ITGBL1: variants seen among roughly 807,000 people sequenced by gnomAD.
ITGBL1 encodes the protein integrin beta-like protein 1.
In ITGBL1, 51 loss-of-function variants were observed where a neutral mutation model predicts 68.5. That is an observed-to-expected ratio of 0.74 (90% CI 0.59 to 0.94). ITGBL1 has a LOEUF of 0.94. Ranked by LOEUF, ITGBL1 falls within the 40% of genes least tolerant of loss-of-function variation. ITGBL1 has a pLI of 0.00. For synonymous variants in ITGBL1, 209 were observed against 227.3 expected, an observed-to-expected ratio of 0.92 and a Z score of 0.72; for missense variants, 649 against 647.4, an observed-to-expected ratio of 1.00 and a Z score of -0.03.
intron 2 of ITGBL1, among the ~76,000 whole-genome samples, chr13:101,520,395 G>T (rs952841498): frequency 3.3e-5 from 5 of 152,140 alleles, no homozygotes; most frequent in Admixed American, 2.6e-4. Context: ...CTTGCAATGA[G>T]AGAGTTTCAG....
intron 2 of ITGBL1, among the ~76,000 whole-genome samples, chr13:101,550,525 A>G (rs1168523092): frequency 1.3e-5 from 2 of 152,162 alleles, no homozygotes; most frequent in Non-Finnish European, 2.9e-5. Flanking sequence ...AAGCCCCTTG[A>G]CGCTGATTCA....
intron 2 of ITGBL1, among the ~76,000 whole-genome samples, chr13:101,528,168 T>C (rs1203197295): frequency 3.3e-5 from 5 of 151,448 alleles, no homozygotes. Context: ...TAATATTTAA[T>C]GGTTTATTAA....
intron 7 of ITGBL1, among the ~76,000 whole-genome samples, chr13:101,662,733 G>C (rs2033118924): frequency 6.6e-6 from 1 of 151,822 alleles, no homozygotes. Context: ...TCACCGTTCA[G>C]TTTTTCTCGG....
At chr13:101,616,611 C>T (rs1298054236) in intron 7 of ITGBL1, among the ~76,000 whole-genome samples, 1 of 152,182 alleles carries the variant, frequency 6.6e-6, no homozygotes, top group Non-Finnish European at 1.5e-5. Context: ...CTGCCTCAGT[C>T]TCCTAAGTAG....
At chr13:101,546,244 A>G (rs2049821504) in intron 2 of ITGBL1, among the ~76,000 whole-genome samples, 1 of 152,166 alleles carries the variant, frequency 6.6e-6, no homozygotes, top group African/African-American at 2.4e-5. Flanking sequence ...GGTTGGTGCA[A>G]TTGCAGTGGG....
At chr13:101,710,994 G>A (rs1438279060) in intron 9 of ITGBL1, 1 of 152,202 alleles carries the variant, frequency 6.6e-6, no homozygotes, top group East Asian at 1.9e-4. Context: ...GAAAAAGAAA[G>A]TCCAACATTA....
At chr13:101,499,433 C>A (rs2048906771) in intron 2 of ITGBL1, among the ~76,000 whole-genome samples, 1 of 152,126 alleles carries the variant, frequency 6.6e-6, no homozygotes, top group Non-Finnish European at 1.5e-5. Context: ...GCAGAGATTG[C>A]CTTACAGTAG....
Position 101,716,033 on chromosome 13 carries a change from G to C in ITGBL1, c.*379G>C, listed in dbSNP as rs550044491. 2 of 164,994 alleles carry C rather than the reference G, an allele frequency of 1.2e-5. No individual in the cohort carries two copies. The highest frequency in any genetic ancestry group is 2.6e-5 in the Non-Finnish European group (2 of 76,168). The allele number at this position is 164,994 out of a possible 1,614,324, so 10.2% of individuals were successfully genotyped here. ...CTGCTGAGCATCCCGCAGTGTACAG[G>C]ACAGCCCCCAAACAAGGAATTATCC... On this transcript the variant is annotated 3_prime_UTR_variant, in exon 11 of 11. Transcript: ENST00000376180.
intron 7 of ITGBL1, among the ~76,000 whole-genome samples, chr13:101,613,499 T>G (rs748135533): frequency 4.2e-4 from 64 of 152,086 alleles, no homozygotes; most frequent in Non-Finnish European, 8.7e-4. Context: ...GTGGCCAAGA[T>G]GAAGTCTGGG....
chr13:101,627,999 T>C (rs1022480735), intron 7 of ITGBL1, among the ~76,000 whole-genome samples: 1 of 152,226 alleles, frequency 6.6e-6, no homozygotes, highest in Non-Finnish European at 1.5e-5. Context: ...ATAGTATGTT[T>C]AGTTCAGTAA....
Position 101,667,676 on chromosome 13 carries a change from T to C in ITGBL1, c.1016-24909T>C, listed in dbSNP as rs575962969. Among the ~76,000 whole-genome samples, 17 of 152,192 alleles carry C rather than the reference T, an allele frequency of 1.1e-4. No individual in the cohort carries two copies. The East Asian group carries it at 3.3e-3, about 29-fold the overall frequency. ...GATTCAATTGTCCTTTTATAAACCA[T>C]TGAGTTTATATTACTATTTTACTGT... On this transcript the variant is annotated intron_variant, in intron 7 of 10. Transcript: ENST00000376180.
intron 8 of ITGBL1, among the ~76,000 whole-genome samples, chr13:101,702,089 A>T (rs1334399493): frequency 6.6e-6 from 1 of 152,222 alleles, no homozygotes; most frequent in East Asian, 1.9e-4. Flanking sequence ...GGGTTTTAAT[A>T]GATTGTGTCT....
intron 3 of ITGBL1, among the ~76,000 whole-genome samples, chr13:101,568,486 G>A (rs1407477550): frequency 6.6e-6 from 1 of 152,128 alleles, no homozygotes; most frequent in African/African-American, 2.4e-5. Context: ...TTGGGCAGGT[G>A]AAGCCTCAAA....
At chr13:101,644,291 T>A (rs1394933606) in intron 7 of ITGBL1, among the ~76,000 whole-genome samples, 1 of 152,216 alleles carries the variant, frequency 6.6e-6, no homozygotes, top group East Asian at 1.9e-4. Context: ...GAGTTTTATG[T>A]ATAAAGTAGA....
At chr13:101,577,221 T>C (rs1056707049) in intron 4 of ITGBL1, among the ~76,000 whole-genome samples, 1 of 152,226 alleles carries the variant, frequency 6.6e-6, no homozygotes, top group Non-Finnish European at 1.5e-5. Flanking sequence ...TGTAAATCTT[T>C]CCATGTGTCA....
chr13:101,650,093 A>G (rs1189899910), intron 7 of ITGBL1, among the ~76,000 whole-genome samples: 1 of 152,208 alleles, frequency 6.6e-6, no homozygotes, highest in East Asian at 1.9e-4. Context: ...CTGAAAATGC[A>G]TTGTCCTCTT....
In ITGBL1 at chr13:101,582,158, T is replaced by C. The variant is rs1198842434; in HGVS notation, c.728-1058T>C. On this transcript the variant is annotated intron_variant, in intron 5 of 10. Coordinates refer to ENST00000376180, the MANE Select transcript of ITGBL1 (RefSeq NM_004791.3). ...TTTATATATTCAATTCTATGATTTA[T>C]TTATATGTTTTTGAAATTGTTCTTT... is the stretch of plus-strand genomic sequence containing the variant. Among the ~76,000 whole-genome samples, 4 of 152,204 alleles carry C rather than the reference T, an allele frequency of 2.6e-5. No individual in the cohort carries two copies. The South Asian group carries it at 8.3e-4, about 32-fold the overall frequency.
rs150046633 is a variant in ITGBL1, at chr13:101,638,332, G to T, written c.1015+40033G>T. Among the ~76,000 whole-genome samples the T allele has an allele frequency of 3.0e-4, 46 of 152,202 alleles. 1 individual carries two copies. In the East Asian group the frequency reaches 8.5e-3, roughly 28 times the overall value. Reference sequence around the variant, plus strand: ...GACAGCACTTGAAGGTCAAAGGAAAGAGCATACCCTTCCACCTCTCAGTTT... The same window carrying T: ...GACAGCACTTGAAGGTCAAAGGAAATAGCATACCCTTCCACCTCTCAGTTT... On this transcript the variant is annotated intron_variant, in intron 7 of 10. Coordinates refer to ENST00000376180, the MANE Select transcript of ITGBL1 (RefSeq NM_004791.3).
intron 8 of ITGBL1, among the ~76,000 whole-genome samples, chr13:101,704,762 G>A (rs73564269): frequency 7.2e-5 from 11 of 152,130 alleles, no homozygotes; most frequent in African/African-American, 9.7e-5. Context: ...AGTCAGTTCC[G>A]ATCTGGCTGA....
Sources: allele counts gnomAD v4.1 joint callset (sites outside exome capture counted in the v4.1 genomes callset), GRCh38; gene constraint gnomAD v4.1.1; transcripts MANE v1.5; gene names NCBI Gene and HGNC (gene_info 2026-07-23, HGNC 2026-07-21).